Variants in DNAJC2 observed in about 807,000 individuals in gnomAD.
DNAJC2 encodes DnaJ heat shock protein family (Hsp40) member C2.
Under a neutral mutation model 94.0 loss-of-function variants are expected in DNAJC2, and 32 were observed. The observed-to-expected ratio is 0.34, with a 90% CI of 0.26 to 0.46. DNAJC2 has a LOEUF of 0.46. DNAJC2 is among the 20% of genes least tolerant of loss of function. The pLI, the probability that DNAJC2 is intolerant of heterozygous loss-of-function variation, is 1.00. For synonymous variants in DNAJC2, 210 were observed against 229.7 expected (o/e 0.91, Z 0.77); for missense variants, 550 against 719.5 (o/e 0.76, Z 2.69).
chr7:103,331,947 G>T (rs1473036281), intron 3 of DNAJC2, among the ~76,000 whole-genome samples: 2 of 151,758 alleles, frequency 1.3e-5, no homozygotes, highest in Non-Finnish European at 2.9e-5. Context: ...TTGCACAGTG[G>T]CTATGCTAAT....
At chr7:103,314,676 T>C (rs1817949479) in intron 15 of DNAJC2, 1 of 984,610 alleles carries the variant, frequency 1.0e-6, no homozygotes, top group Non-Finnish European at 1.2e-6. Flanking sequence ...ACCGAAATAA[T>C]GCCTAACTCA....
intron 6 of DNAJC2, 35 bp from the exon 7 acceptor site, chr7:103,323,698 GA>G: frequency 7.6e-7 from 1 of 1,317,372 alleles, no homozygotes; most frequent in Non-Finnish European, 1.0e-6. Flanking sequence ...GATCAAGACA[GA>G]ATAAATGAAA....
At chr7:103,333,668 C>A in intron 3 of DNAJC2, among the ~76,000 whole-genome samples, 1 of 152,200 alleles carries the variant, frequency 6.6e-6, no homozygotes, top group East Asian at 1.9e-4. Flanking sequence ...GGGCTCCCAT[C>A]CTCTACCAGC....
chr7:103,333,136 G>A (rs1819040029), intron 3 of DNAJC2, among the ~76,000 whole-genome samples: 1 of 151,664 alleles, frequency 6.6e-6, no homozygotes, highest in Non-Finnish European at 1.5e-5. Flanking sequence ...TTTGGACTTT[G>A]GAGTTTTGGA....
chr7:103,319,732 TC>T lies in DNAJC2; in HGVS notation c.1172+23del, dbSNP rs1218186701. 4 of 1,613,974 alleles carry T rather than the reference TC, an allele frequency of 2.5e-6. No individual in the cohort carries two copies. In the Admixed American group the frequency reaches 6.7e-5, roughly 27 times the overall value. ...TTTATCCTAAGCTCAAGTGAAGACT[TC>T]AATAGCAGTTCCATAGGTATACCTT... On this transcript the variant is annotated intron_variant, in intron 11 of 16. Coordinates refer to ENST00000379263, the MANE Select transcript of DNAJC2 (RefSeq NM_014377.3).
Position 103,332,872 on chromosome 7 carries a change from C to T in DNAJC2, c.331+4864G>A, listed in dbSNP as rs75346832. On this transcript the variant is annotated intron_variant, in intron 3 of 16. Transcript: ENST00000379263. Reference sequence around the variant, plus strand: ...CTACAGAGCTCAAACAATCCACCCACCTCAGCCTTCTAAAGTGCTGGGATC... The same window carrying T: ...CTACAGAGCTCAAACAATCCACCCATCTCAGCCTTCTAAAGTGCTGGGATC... Among the ~76,000 whole-genome samples, 166 of 152,296 alleles carry T rather than the reference C, an allele frequency of 1.1e-3. 1 individual carries two copies. Among genetic ancestry groups the T allele is most frequent in the African/African-American group, 3.9e-3 (160 of 41,554 alleles).
intron 5 of DNAJC2, among the ~76,000 whole-genome samples, chr7:103,325,160 G>C (rs1224175487): frequency 6.6e-6 from 1 of 152,064 alleles, no homozygotes; most frequent in Non-Finnish European, 1.5e-5. Flanking sequence ...TAAAACAAAC[G>C]TGGCCAGGCG....
chr7:103,323,537 T>C, intron 7 of DNAJC2, 61 bp downstream of exon 7: 1 of 1,371,918 alleles, frequency 7.3e-7, no homozygotes, highest in Non-Finnish European at 9.6e-7. Context: ...AATTTTTACA[T>C]CATCACAAAT....
At chr7:103,340,811 G>A (rs1482093062) in intron 2 of DNAJC2, among the ~76,000 whole-genome samples, 4 of 152,182 alleles carry the variant, frequency 2.6e-5, no homozygotes, top group Non-Finnish European at 5.9e-5. Context: ...GTCTTTGGCT[G>A]TAACCTCTTT....
chr7:103,334,247 G>A (rs145821916), intron 3 of DNAJC2, among the ~76,000 whole-genome samples: 2,898 of 151,580 alleles, frequency 0.019, 91 homozygotes, highest in African/African-American at 0.065. Flanking sequence ...CACTGTGCCC[G>A]GCCTGTTGTG....
At chr7:103,342,740 C>G (rs1819429556) in intron 1 of DNAJC2, among the ~76,000 whole-genome samples, 1 of 151,476 alleles carries the variant, frequency 6.6e-6, no homozygotes. Flanking sequence ...TCCCGAGTAG[C>G]TGGGACTACA....
chr7:103,336,823 G>A (rs1272747330), intron 3 of DNAJC2: 1 of 152,154 alleles, frequency 6.6e-6, no homozygotes, highest in Non-Finnish European at 1.5e-5. Context: ...CCTTCACTTT[G>A]TTAAAAAATA....
chr7:103,339,946 C>A (rs1392126176), intron 2 of DNAJC2, among the ~76,000 whole-genome samples: 1 of 152,186 alleles, frequency 6.6e-6, no homozygotes, highest in African/African-American at 2.4e-5. Flanking sequence ...TGAAGTGATT[C>A]TCCTGCCTCA....
chr7:103,313,129 A>G, intron 15 of DNAJC2, 28 bp from the exon 16 acceptor site: 1 of 1,588,890 alleles, frequency 6.3e-7, no homozygotes, highest in South Asian at 1.2e-5. Context: ...TTATTTGAAA[A>G]CTGTCTTTGA....
chr7:103,324,418 G>A (rs370817177), intron 6 of DNAJC2, 64 bp downstream of exon 6: 2 of 1,348,998 alleles, frequency 1.5e-6, no homozygotes. Context: ...AAACAATCAA[G>A]TACTTATTGA....
chr7:103,319,683 AG>A lies in DNAJC2; in HGVS notation c.1173-6del. 1 of 1,614,006 alleles carries A rather than the reference AG, an allele frequency of 6.2e-7. No homozygotes were observed. Among genetic ancestry groups the A allele is most frequent in the Non-Finnish European group, 8.5e-7 (1 of 1,179,980 alleles). On this transcript the variant is annotated splice_polypyrimidine_tract_variant and splice_region_variant and intron_variant, in intron 11 of 16. Coordinates refer to ENST00000379263, the MANE Select transcript of DNAJC2 (RefSeq NM_014377.3). ...GTTTCATTCAAGCACTGTAAGCTAA[AG>A]AAAAAAAAAGAAGAAATGAAACTTT...
intron 13 of DNAJC2, 98 bp from the exon 14 acceptor site, chr7:103,316,186 A>G: frequency 3.1e-6 from 2 of 643,054 alleles, no homozygotes; most frequent in Non-Finnish European, 4.9e-6. Flanking sequence ...AGGTTATAGT[A>G]TGTACAGAAT....
At chr7:103,344,249 T>G (rs1486160651) in intron 1 of DNAJC2, 1 of 402,182 alleles carries the variant, frequency 2.5e-6, no homozygotes. Context: ...GGCAAGGAGA[T>G]GCTTATGAGA....
chr7:103,339,459 G>A (rs1819296879), intron 2 of DNAJC2, among the ~76,000 whole-genome samples: 1 of 152,080 alleles, frequency 6.6e-6, no homozygotes, highest in Non-Finnish European at 1.5e-5. Flanking sequence ...TTACTACCCA[G>A]CTTTGAAAGA....
Sources: allele counts gnomAD v4.1 joint callset (sites outside exome capture counted in the v4.1 genomes callset), GRCh38; gene constraint gnomAD v4.1.1; transcripts MANE v1.5; gene names NCBI Gene and HGNC (gene_info 2026-07-23, HGNC 2026-07-21).